GOLM2: variants seen among roughly 807,000 people sequenced by gnomAD.
GOLM2 encodes protein GOLM2.
Under a neutral mutation model 55.9 loss-of-function variants are expected in GOLM2, and 26 were observed. The ratio of observed to expected loss-of-function variants is 0.47; its 90% CI spans 0.34 to 0.65. The LOEUF is 0.65. GOLM2 is among the 30% of genes least tolerant of loss of function. The probability of loss-of-function intolerance (pLI) is 0.01; values close to 1 mark genes in which losing one functional copy is unlikely to be tolerated. For synonymous variants in GOLM2, 165 were observed against 194.6 expected (o/e 0.85, Z 1.27); for missense variants, 486 against 531.8 (o/e 0.91, Z 0.85).
chr15:44,297,534 T>C (rs2078764609), intron 1 of GOLM2, among the ~76,000 whole-genome samples: 1 of 152,010 alleles, frequency 6.6e-6, no homozygotes, highest in African/African-American at 2.4e-5. Context: ...GCCTCTTTTC[T>C]GTATATTTAT....
intron 6 of GOLM2, among the ~76,000 whole-genome samples, chr15:44,366,324 CA>C (rs997910235): frequency 1.4e-5 from 2 of 142,482 alleles, no homozygotes; most frequent in African/African-American, 5.2e-5. Flanking sequence ...ACAAAACAAA[CA>C]AACCACAAAA....
chr15:44,355,156 C>T (rs575883322), intron 6 of GOLM2: 1 of 198,878 alleles, frequency 5.0e-6, no homozygotes, highest in South Asian at 1.1e-4. Flanking sequence ...AACTGCTTAG[C>T]ATTCTCTGAC....
intron 1 of GOLM2, among the ~76,000 whole-genome samples, chr15:44,303,304 A>T (rs542582668): frequency 1.9e-4 from 29 of 152,264 alleles, no homozygotes; most frequent in African/African-American, 7.0e-4. Flanking sequence ...CACATATCTG[A>T]TTGCACTACC....
chr15:44,341,569 T>G (rs2079090771), intron 6 of GOLM2, among the ~76,000 whole-genome samples: 1 of 152,170 alleles, frequency 6.6e-6, no homozygotes, highest in African/African-American at 2.4e-5. Context: ...TATATTGTCC[T>G]ATCAGACAGT....
At chr15:44,347,954 C>T (rs998089940) in intron 6 of GOLM2, among the ~76,000 whole-genome samples, 2 of 152,116 alleles carry the variant, frequency 1.3e-5, no homozygotes, top group African/African-American at 2.4e-5. Context: ...ACACAGTCAG[C>T]GCCAGAAGGG....
chr15:44,302,764 T>C (rs1198224016), intron 1 of GOLM2, among the ~76,000 whole-genome samples: 1 of 152,150 alleles, frequency 6.6e-6, no homozygotes, highest in East Asian at 1.9e-4. Context: ...GTGTTGGGAT[T>C]ACAAGCATGA....
Position 44,334,431 on chromosome 15 carries a change from A to G in GOLM2, c.576+2353A>G, listed in dbSNP as rs1002689146. ...TAATTTTAAAATTAATTAACCAGCCACATGTCTATCATAGAAATGACTCTG... is the reference window on the plus strand; with the variant it reads ...TAATTTTAAAATTAATTAACCAGCCGCATGTCTATCATAGAAATGACTCTG... On this transcript the variant is annotated intron_variant, in intron 4 of 9. Coordinates refer to ENST00000299957, the MANE Select transcript of GOLM2 (RefSeq NM_138423.4). Among the ~76,000 whole-genome samples, 4 of 152,330 alleles carry G rather than the reference A, an allele frequency of 2.6e-5. No homozygotes were observed. In the South Asian group the frequency reaches 8.3e-4, roughly 32 times the overall value.
chr15:44,352,474 A>T (rs2079171133), intron 6 of GOLM2, among the ~76,000 whole-genome samples: 1 of 152,158 alleles, frequency 6.6e-6, no homozygotes, highest in South Asian at 2.1e-4. Flanking sequence ...TACTAAAAAC[A>T]ACATTGGGGA....
chr15:44,343,198 TG>T (rs1013997528), intron 6 of GOLM2, among the ~76,000 whole-genome samples: 2 of 151,458 alleles, frequency 1.3e-5, no homozygotes, highest in African/African-American at 2.4e-5. Flanking sequence ...CTGGGTGTGG[TG>T]GTGGGCACCT....
Position 44,413,476 on chromosome 15 carries a change from C to A in GOLM2, c.*70C>A. ...AATCATTCTACTTTGTCCTTTCTGA[C>A]TTTTGTTGTAAAGACGAATTGTATC... is the stretch of plus-strand genomic sequence containing the variant. On this transcript the variant is annotated 3_prime_UTR_variant, in exon 10 of 10. Coordinates refer to ENST00000299957, the MANE Select transcript of GOLM2 (RefSeq NM_138423.4). 1.7e-6 allele frequency: 2 copies of A among 1,182,960 alleles called. No homozygotes were observed. The highest frequency in any genetic ancestry group is 1.2e-6 in the Non-Finnish European group (1 of 809,502). 73.3% of individuals were successfully genotyped at this position (1,182,960 alleles called of 1,614,324 possible). A position where few individuals can be genotyped will look rare whatever the true frequency, so the allele number is the denominator to read the frequency against.
intron 6 of GOLM2, among the ~76,000 whole-genome samples, chr15:44,364,316 G>A (rs2079267152): frequency 6.6e-6 from 1 of 151,880 alleles, no homozygotes; most frequent in African/African-American, 2.4e-5. Context: ...TTGAGCCTAG[G>A]AGTTTGAGAC....
chr15:44,289,014 A>G lies in GOLM2; in HGVS notation c.-16A>G. On this transcript the variant is annotated 5_prime_UTR_variant, in exon 1 of 10. Transcript: ENST00000299957. This position sits in a 1 kb window ranked among gnomAD's most constrained non-coding sequence, Gnocchi z 4.8. ...GTCTGCGGCGAGGCCCCTAGGGTAC[A>G]GCCCGATTTGGCCCCATGGTGGGTT... 6.2e-7 allele frequency: 1 copy of G among 1,607,816 alleles called. No individual in the cohort carries two copies. The highest frequency in any genetic ancestry group is 8.5e-7 in the Non-Finnish European group (1 of 1,176,554).
chr15:44,394,964 T>C (rs1196916108), intron 8 of GOLM2, among the ~76,000 whole-genome samples: 1 of 152,212 alleles, frequency 6.6e-6, no homozygotes, highest in East Asian at 1.9e-4. Flanking sequence ...TAGTTTCATT[T>C]TGCTTACAAT....
At chr15:44,347,131 AAGAGAG>A (rs150767007) in intron 6 of GOLM2, among the ~76,000 whole-genome samples, 41 of 149,534 alleles carry the variant, frequency 2.7e-4, no homozygotes, top group African/African-American at 3.4e-4. Flanking sequence ...CTAAACAAAA[AAGAGAG>A]AGAGAGAGAG....
chr15:44,383,666 TC>T (rs2079419834), intron 8 of GOLM2, among the ~76,000 whole-genome samples: 1 of 149,672 alleles, frequency 6.7e-6, no homozygotes. Flanking sequence ...CTTTTCTTTT[TC>T]TTTTTTTCTT....
chr15:44,368,933 G>A (rs1265725725), intron 6 of GOLM2, among the ~76,000 whole-genome samples: 2 of 148,146 alleles, frequency 1.4e-5, no homozygotes, highest in South Asian at 2.1e-4. Context: ...GGATTTTGTT[G>A]CCTTCTTTTA....
chr15:44,331,891 G>C, intron 3 of GOLM2, 97 bp from the exon 4 acceptor site: 1 of 805,178 alleles, frequency 1.2e-6, no homozygotes, highest in Admixed American at 2.1e-5. Context: ...CCTGCTAACT[G>C]AGTGTTTTAT....
intron 6 of GOLM2, among the ~76,000 whole-genome samples, chr15:44,359,105 G>A (rs892567574): frequency 3.3e-5 from 5 of 151,642 alleles, no homozygotes; most frequent in African/African-American, 7.3e-5. Context: ...AGCTGAGATC[G>A]CGCCAATGCA....
chr15:44,358,981 C>T (rs148836606), intron 6 of GOLM2, among the ~76,000 whole-genome samples: 27 of 151,354 alleles, frequency 1.8e-4, no homozygotes, highest in African/African-American at 6.5e-4. Context: ...ATGGTGAAAC[C>T]CCATCGCCAC....
Sources: allele counts gnomAD v4.1 joint callset (sites outside exome capture counted in the v4.1 genomes callset), GRCh38; gene constraint gnomAD v4.1.1; non-coding constraint Gnocchi (gnomAD v3.1); transcripts MANE v1.5; gene names NCBI Gene and HGNC (gene_info 2026-07-23, HGNC 2026-07-21).